The following CACNA1C variants were observed in gnomAD, a reference collection of about 807,000 sequenced individuals.
The protein encoded by CACNA1C is calcium voltage-gated channel subunit alpha1 C.
CACNA1C carries 30 observed loss-of-function variants against 229.0 expected under a neutral mutation model. The ratio of observed to expected loss-of-function variants is 0.13; its 90% CI spans 0.10 to 0.18. The LOEUF is 0.18. Ranked by LOEUF, CACNA1C falls within the 10% of genes least tolerant of loss-of-function variation. CACNA1C has a pLI of 1.00. For synonymous variants in CACNA1C, 1,114 were observed against 1,132.5 expected (o/e 0.98, Z 0.33); for missense variants, 1,658 against 2,845.0 (o/e 0.58, Z 9.49).
chr12:2,010,177 G>T (rs1203250876), intron 1 of CACNA1C, among the ~76,000 whole-genome samples: 1 of 152,108 alleles, frequency 6.6e-6, no homozygotes, highest in African/African-American at 2.4e-5. Flanking sequence ...AATTCCCAGG[G>T]CAGCACATTC....
chr12:1,981,456 G>T (rs867294937), intron 1 of CACNA1C, among the ~76,000 whole-genome samples: 9 of 152,312 alleles, frequency 5.9e-5, no homozygotes, highest in African/African-American at 2.2e-4. Flanking sequence ...TGCCCTGAAG[G>T]TGCCTGCACT....
chr12:2,249,163 G>C (rs1383397360), intron 3 of CACNA1C, among the ~76,000 whole-genome samples: 1 of 152,180 alleles, frequency 6.6e-6, no homozygotes, highest in Non-Finnish European at 1.5e-5. Context: ...CTGACATTGA[G>C]CAAGTTAATT....
chr12:2,615,557 A>G lies in CACNA1C; in HGVS notation c.3828+3544A>G, dbSNP rs187728553. On this transcript the variant is annotated intron_variant, in intron 29 of 46. Transcript: ENST00000399655. ...AATACCATTCCAGTTAAAACTCCCA[A>G]TTGCACTTTGCTGGAGGTGAGGATG... Among the ~76,000 whole-genome samples, 993 of 152,062 alleles carry G rather than the reference A, an allele frequency of 6.5e-3. 12 individuals carry two copies. Among genetic ancestry groups the G allele is most frequent in the African/African-American group, 0.023 (945 of 41,516 alleles).
In CACNA1C at chr12:2,686,264, C is replaced by G. The variant is rs750568562; in HGVS notation, c.5779C>G (p.His1927Asp). ...KTVLPLHLVH[H>D]QALAVAGLSP... is the part of the protein sequence containing the mutation. ...AGTCCTGCCCTTGCATCTGGTTCAT[C>G]ATCAGGTAGCTCACACTTTTGGACA... The change falls in exon 45 of 47, where the codon CAT (histidine) becomes GAT (aspartate). Residue 1927 changes from histidine to aspartate, a missense_variant. Coordinates refer to ENST00000399655, the MANE Select transcript of CACNA1C (RefSeq NM_000719.7). 2.5e-6 allele frequency: 4 copies of G among 1,606,858 alleles called. No homozygotes were observed. The highest frequency in any genetic ancestry group is 3.4e-6 in the Non-Finnish European group (4 of 1,174,716).
In CACNA1C at chr12:2,639,819, A is replaced by G. The variant is rs879694263; in HGVS notation, c.3912+5439A>G. On this transcript the variant is annotated intron_variant, in intron 30 of 46. Coordinates refer to ENST00000399655, the MANE Select transcript of CACNA1C (RefSeq NM_000719.7). This position sits in a 1 kb window ranked among gnomAD's most constrained non-coding sequence, Gnocchi z 4.2. ...TGAAGCCACAGTGCTGAAGGGCAGC[A>G]AGGGAGGACAGGCTCCCTTGGCTTT... Among the ~76,000 whole-genome samples the G allele has an allele frequency of 3.9e-5, 6 of 152,226 alleles. No homozygotes were observed. Among genetic ancestry groups the G allele is most frequent in the Middle Eastern group, 3.4e-3 (1 of 294 alleles).
chr12:2,565,204 C>A (rs548175764), intron 11 of CACNA1C, among the ~76,000 whole-genome samples: 1 of 151,598 alleles, frequency 6.6e-6, no homozygotes, highest in Non-Finnish European at 1.5e-5. Context: ...CGCGGTGGCT[C>A]ACGCCTGTAA....
intron 28 of CACNA1C, among the ~76,000 whole-genome samples, chr12:2,611,124 G>A (rs1345735783): frequency 2.0e-5 from 3 of 147,852 alleles, no homozygotes; most frequent in Admixed American, 1.3e-4. Flanking sequence ...AGATGGAGAA[G>A]GGAGGGATGA....
intron 1 of CACNA1C, chr12:1,991,135 CA>C: frequency 2.2e-6 from 1 of 456,072 alleles, no homozygotes; most frequent in South Asian, 1.5e-5. Context: ...AATTTGCATC[CA>C]TGTTTAATAG....
At chr12:2,541,603 C>T (rs1021112926) in intron 9 of CACNA1C, among the ~76,000 whole-genome samples, 1 of 152,172 alleles carries the variant, frequency 6.6e-6, no homozygotes, top group Non-Finnish European at 1.5e-5. Flanking sequence ...CCTGGGATGT[C>T]TGGGCCTGAG....
chr12:2,487,529 A>G (rs1455853292), intron 6 of CACNA1C, among the ~76,000 whole-genome samples: 1 of 150,860 alleles, frequency 6.6e-6, no homozygotes, highest in Non-Finnish European at 1.5e-5. Flanking sequence ...AAAACAAAAC[A>G]AAAAACCACA....
Position 2,493,473 on chromosome 12 carries a change from G to A in CACNA1C, c.1113+87G>A, listed in dbSNP as rs1016818833. On this transcript the variant is annotated intron_variant, in intron 7 of 46. Coordinates refer to ENST00000399655, the MANE Select transcript of CACNA1C (RefSeq NM_000719.7). The surrounding 1 kb of genome is among the most constrained non-coding windows in gnomAD (Gnocchi z 4.6). ...CACCTCCCTTTCTCCTCCTCCCCAT[G>A]GTCTTGGGGTCACATACGCATCTTG... is the stretch of plus-strand genomic sequence containing the variant. 6.2e-5 allele frequency: 60 copies of A among 970,628 alleles called. No individual in the cohort carries two copies. Among genetic ancestry groups the A allele is most frequent in the Non-Finnish European group, 9.8e-5 (60 of 612,924 alleles). The allele number at this position is 970,628 out of a possible 1,614,324, so 60.1% of individuals were successfully genotyped here. A position where few individuals can be genotyped will look rare whatever the true frequency, so the allele number is the denominator to read the frequency against.
At chr12:2,002,919 A>C (rs1593456288) in intron 1 of CACNA1C, among the ~76,000 whole-genome samples, 1 of 151,998 alleles carries the variant, frequency 6.6e-6, no homozygotes, top group East Asian at 1.9e-4. Flanking sequence ...AAACAAAAAC[A>C]AACAAAAAAA....
At chr12:2,378,329 G>C (rs1212790774) in intron 3 of CACNA1C, among the ~76,000 whole-genome samples, 4 of 152,156 alleles carry the variant, frequency 2.6e-5, no homozygotes, top group Non-Finnish European at 4.4e-5. Context: ...ATGTGGATGG[G>C]TTCGAATGCC....
chr12:2,511,993 A>G (rs1041796372), intron 8 of CACNA1C, among the ~76,000 whole-genome samples: 5 of 152,150 alleles, frequency 3.3e-5, no homozygotes, highest in African/African-American at 1.2e-4. Flanking sequence ...AGCCCCCAGG[A>G]CATTTTCTTG....
chr12:2,483,072 C>T (rs796506638), intron 5 of CACNA1C, among the ~76,000 whole-genome samples: 71 of 152,374 alleles, frequency 4.7e-4, no homozygotes, highest in African/African-American at 1.6e-3. Context: ...TCCCTCCCCA[C>T]GTGCCTGAGA....
At chr12:2,355,277 T>C (rs908454177) in intron 3 of CACNA1C, among the ~76,000 whole-genome samples, 3 of 152,186 alleles carry the variant, frequency 2.0e-5, no homozygotes, top group African/African-American at 7.2e-5. Context: ...GACATGTGGC[T>C]GCATGGCCAC....
chr12:2,125,020 G>A (rs2089387082), intron 3 of CACNA1C, among the ~76,000 whole-genome samples: 1 of 152,100 alleles, frequency 6.6e-6, no homozygotes, highest in African/African-American at 2.4e-5. Context: ...GCATCAGGGT[G>A]GAGTGGGAGG....
Position 2,512,028 on chromosome 12 carries a change from A to C in CACNA1C, c.1218-784A>C, listed in dbSNP as rs2099785344. Among the ~76,000 whole-genome samples, 1 of 152,196 alleles carries C rather than the reference A, an allele frequency of 6.6e-6. No homozygotes were observed. Among genetic ancestry groups the C allele is most frequent in the Admixed American group, 6.5e-5 (1 of 15,278 alleles). ...GTGTTTGGAATCTTCATTTGTCTTCATGTGGGAGAGAACCTTCTCTAGATT... is the reference window on the plus strand; with the variant it reads ...GTGTTTGGAATCTTCATTTGTCTTCCTGTGGGAGAGAACCTTCTCTAGATT... On this transcript the variant is annotated intron_variant, in intron 8 of 46. Transcript: ENST00000399655. The surrounding 1 kb of genome is among the most constrained non-coding windows in gnomAD (Gnocchi z 4.3).
At position 2,654,453 on chromosome 12, in the gene CACNA1C, C is replaced by T. The variant is rs1038746274; in HGVS notation, c.4140+553C>T. Among the ~76,000 whole-genome samples the T allele has an allele frequency of 4.6e-5, 7 of 152,202 alleles. No individual in the cohort carries two copies. Among genetic ancestry groups the T allele is most frequent in the Non-Finnish European group, 8.8e-5 (6 of 68,038 alleles). ...CCCAGGTGCCCACTGCACCATTCAC[C>T]GCAAACCTAGGGCTCTCCATTCCCG... On this transcript the variant is annotated intron_variant, in intron 33 of 46. Coordinates refer to ENST00000399655, the MANE Select transcript of CACNA1C (RefSeq NM_000719.7). This position sits in a 1 kb window ranked among gnomAD's most constrained non-coding sequence, Gnocchi z 4.4.
Sources: gnomAD v4.1 joint callset for allele counts (sites outside exome capture counted in the v4.1 genomes callset) on GRCh38, gnomAD v4.1.1 for gene constraint, Gnocchi (gnomAD v3.1) non-coding constraint, MANE v1.5 for transcripts, NCBI Gene and HGNC (gene_info 2026-07-23, HGNC 2026-07-21) for gene names.